OLFML2B: variants seen among roughly 807,000 people sequenced by gnomAD.
The protein encoded by OLFML2B is olfactomedin-like protein 2B.
A neutral mutation model predicts 74.9 loss-of-function variants in OLFML2B; 57 were observed. The ratio of observed to expected loss-of-function variants is 0.76; its 90% CI spans 0.61 to 0.95. The LOEUF is 0.95. OLFML2B is among the 40% of genes least tolerant of loss of function. The pLI is 0.00. For synonymous variants in OLFML2B, 388 were observed against 405.8 expected (o/e 0.96, Z 0.53); for missense variants, 986 against 970.6 (o/e 1.02, Z -0.21).
At chr1:161,995,623 G>T (rs1182800887) in intron 6 of OLFML2B, among the ~76,000 whole-genome samples, 2 of 152,174 alleles carry the variant, frequency 1.3e-5, no homozygotes, top group Admixed American at 1.3e-4. Context: ...AGGTTGGTAG[G>T]TTATGGAGAG....
intron 3 of OLFML2B, among the ~76,000 whole-genome samples, chr1:162,007,016 T>C (rs905095203): frequency 7.2e-5 from 11 of 152,242 alleles, no homozygotes; most frequent in Admixed American, 4.6e-4. Context: ...ATCATTTACA[T>C]AGAAAATTGA....
intron 6 of OLFML2B, among the ~76,000 whole-genome samples, chr1:161,995,084 C>T (rs1689854767): frequency 6.6e-6 from 1 of 152,194 alleles, no homozygotes; most frequent in Non-Finnish European, 1.5e-5. Context: ...ACAGGCAAGT[C>T]AGGGGTCTGC....
Position 161,997,827 on chromosome 1 carries a change from A to G in OLFML2B, c.1472T>C (p.Ile491Thr), listed in dbSNP as rs780982969. 1.4e-5 allele frequency: 23 copies of G among 1,611,342 alleles called. No homozygotes were observed. The highest frequency in any genetic ancestry group is 6.7e-5 in the Admixed American group (4 of 59,862). Residue 491 changes from isoleucine (I) to threonine (T), a missense_variant and splice_region_variant, in exon 6 of 8, where the codon ATA becomes ACA. Ile to Thr is a moderately conservative substitution (Grantham distance 89, BLOSUM62 -1). Transcript: ENST00000294794. ...PEEEDDIRNV[I>T]GRCKDTLSTI... is the part of the protein sequence containing the mutation. ...AAGGCCAGGTACAATGAACTTACCT[A>G]TGACATTCCGGATGTCATCTTCTTC... is the stretch of plus-strand genomic sequence containing the variant.
At chr1:161,999,637 A>G (rs1277943809) in intron 5 of OLFML2B, among the ~76,000 whole-genome samples, 3 of 152,196 alleles carry the variant, frequency 2.0e-5, no homozygotes, top group Admixed American at 2.0e-4. Flanking sequence ...AAGCCTAAGG[A>G]AACAAGGTAA....
intron 5 of OLFML2B, among the ~76,000 whole-genome samples, chr1:161,999,253 A>C (rs965123312): frequency 6.6e-6 from 1 of 152,254 alleles, no homozygotes; most frequent in Non-Finnish European, 1.5e-5. Flanking sequence ...TGTGCTCATC[A>C]AAAACACCAT....
intron 6 of OLFML2B, 139 bp from the exon 7 acceptor site, chr1:161,985,119 T>C: frequency 1.3e-6 from 1 of 758,642 alleles, no homozygotes; most frequent in South Asian, 2.2e-5. Context: ...CCAAACATTT[T>C]TCCACACCAT....
intron 6 of OLFML2B, among the ~76,000 whole-genome samples, chr1:161,986,565 C>A (rs1689597723): frequency 6.6e-6 from 1 of 152,186 alleles, no homozygotes; most frequent in Non-Finnish European, 1.5e-5. Context: ...CTCCATAAGA[C>A]AAACAAAAGA....
intron 4 of OLFML2B, among the ~76,000 whole-genome samples, chr1:162,005,490 T>C (rs1015876729): frequency 1.3e-5 from 2 of 152,198 alleles, no homozygotes; most frequent in Admixed American, 6.5e-5. Context: ...CATGGTATAG[T>C]TATGAAAATA....
rs533162019 is a variant in OLFML2B, at chr1:161,996,963, C to T, written c.1474+862G>A. Among the ~76,000 whole-genome samples, 6 of 152,278 alleles carry T rather than the reference C, an allele frequency of 3.9e-5. No individual in the cohort carries two copies. The East Asian group carries it at 5.8e-4, about 15-fold the overall frequency. ...ACAAGGTCAGGAGATTGAGACCATCCTGGCTGACATGGTGAAAACCCGTCT... is the reference window on the plus strand; with the variant it reads ...ACAAGGTCAGGAGATTGAGACCATCTTGGCTGACATGGTGAAAACCCGTCT... On this transcript the variant is annotated intron_variant, in intron 6 of 7. Coordinates refer to ENST00000294794, the MANE Select transcript of OLFML2B (RefSeq NM_015441.3).
chr1:162,023,203 G>A, intron 1 of OLFML2B, 54 bp downstream of exon 1: 1 of 1,432,270 alleles, frequency 7.0e-7, no homozygotes, highest in Middle Eastern at 1.9e-4. Flanking sequence ...ACCAGCTTCT[G>A]GCTCTCACCA....
rs1361473445 is a variant in OLFML2B at position 162,023,676 on chromosome 1, G to C, written c.-246C>G. 3.1e-6 allele frequency: 1 copy of C among 320,670 alleles called. No homozygotes were observed. Among genetic ancestry groups the C allele is most frequent in the Non-Finnish European group, 5.6e-6 (1 of 177,282 alleles). The allele number at this position is 320,670 out of a possible 1,614,324, so 19.9% of individuals were successfully genotyped here. A position where few individuals can be genotyped will look rare whatever the true frequency, so the allele number is the denominator to read the frequency against. On this transcript the variant is annotated 5_prime_UTR_variant, in exon 1 of 8. Transcript: ENST00000294794. ...TGGAGAGCCGGACGCAAGGAAGAGG[G>C]GATGACGGAGAAGGTGGAGGCGGGC...
At chr1:161,998,461 G>A (rs983923176) in intron 5 of OLFML2B, 112 bp from the exon 6 acceptor site, 31 of 1,207,328 alleles carry the variant, frequency 2.6e-5, no homozygotes, top group African/African-American at 4.6e-5. Context: ...TTAACACGAC[G>A]GCTTGAGTTA....
At chr1:162,006,173 T>C (rs1210983284) in intron 4 of OLFML2B, 124 bp downstream of exon 4, 6 of 855,134 alleles carry the variant, frequency 7.0e-6, no homozygotes, top group African/African-American at 5.2e-5. Context: ...AGAACAATTG[T>C]ATGGATGAAG....
Position 161,983,627 on chromosome 1 carries a change from C to T in OLFML2B, c.*48G>A, listed in dbSNP as rs757577550. On this transcript the variant is annotated 3_prime_UTR_variant, in exon 8 of 8. Coordinates refer to ENST00000294794, the MANE Select transcript of OLFML2B (RefSeq NM_015441.3). Reference sequence around the variant, plus strand: ...ACACGTGCGCGCACACACATACACACAAGGTGCTAGTGACCCCTCTGTGCT... The same window carrying T: ...ACACGTGCGCGCACACACATACACATAAGGTGCTAGTGACCCCTCTGTGCT... The T allele has an allele frequency of 6.4e-7, 1 of 1,568,420 alleles. No individual in the cohort carries two copies. Among genetic ancestry groups the T allele is most frequent in the Non-Finnish European group, 8.7e-7 (1 of 1,152,972 alleles).
At chr1:161,999,715 T>TG (rs1184032027) in intron 5 of OLFML2B, among the ~76,000 whole-genome samples, 1 of 151,406 alleles carries the variant, frequency 6.6e-6, no homozygotes, top group African/African-American at 2.4e-5. Context: ...AAAGGGGAGG[T>TG]GCTGGAGACT....
At position 162,023,577 on chromosome 1, in the gene OLFML2B, G is replaced by C. The variant is rs1014464589; in HGVS notation, c.-147C>G. On this transcript the variant is annotated 5_prime_UTR_variant, in exon 1 of 8. Transcript: ENST00000294794. The stretch of plus-strand genomic sequence containing the variant: ...TCTAAAGCTGGGTGCGGCTGAGCGG[G>C]ACGGGAGGGTGCGCCCCAGAGACTC... 3 of 732,004 alleles carry C rather than the reference G, an allele frequency of 4.1e-6. No homozygotes were observed. Among genetic ancestry groups the C allele is most frequent in the Non-Finnish European group, 6.0e-6 (3 of 499,408 alleles). The allele number at this position is 732,004 out of a possible 1,614,324, so 45.3% of individuals were successfully genotyped here. A position where few individuals can be genotyped will look rare whatever the true frequency, so the allele number is the denominator to read the frequency against.
At chr1:161,988,243 A>G (rs1414265475) in intron 6 of OLFML2B, among the ~76,000 whole-genome samples, 2 of 152,180 alleles carry the variant, frequency 1.3e-5, no homozygotes, top group African/African-American at 2.4e-5. Context: ...TCCTGTTTCA[A>G]ACGTTACCAG....
chr1:162,002,433 G>A (rs1690106111), intron 4 of OLFML2B, among the ~76,000 whole-genome samples: 1 of 152,236 alleles, frequency 6.6e-6, no homozygotes, highest in African/African-American at 2.4e-5. Context: ...GATGCCCAGT[G>A]CCCGGAGGCA....
At chr1:161,985,052 C>A in intron 6 of OLFML2B, 72 bp from the exon 7 acceptor site, 1 of 1,486,512 alleles carries the variant, frequency 6.7e-7, no homozygotes, top group South Asian at 1.3e-5. Context: ...CTTTGCTGTT[C>A]ATCCATTTAG....
Sources: gnomAD v4.1 joint callset for allele counts (sites outside exome capture counted in the v4.1 genomes callset) on GRCh38, gnomAD v4.1.1 for gene constraint, MANE v1.5 for transcripts, NCBI Gene and HGNC (gene_info 2026-07-23, HGNC 2026-07-21) for gene names.